EYS: variants seen among roughly 807,000 people sequenced by gnomAD.
EYS encodes EGF-like photoreceptor maintenance factor.
In EYS, 250 loss-of-function variants were observed where a neutral mutation model predicts 282.1. The observed-to-expected ratio is 0.89, with a 90% CI of 0.80 to 0.98. The LOEUF (loss-of-function observed/expected upper bound fraction) is 0.98. EYS is among the 50% of genes least tolerant of loss of function. The pLI is 0.00. For synonymous variants in EYS, 1,355 were observed against 1,282.9 expected (o/e 1.06, Z -1.20); for missense variants, 4,016 against 3,709.0 (o/e 1.08, Z -2.15).
chr6:65,443,544 C>G (rs776099685), intron 5 of EYS, among the ~76,000 whole-genome samples: 11 of 151,294 alleles, frequency 7.3e-5, no homozygotes, highest in Non-Finnish European at 1.3e-4. Context: ...CTTATGGACA[C>G]ATGATACGCA....
intron 11 of EYS, among the ~76,000 whole-genome samples, chr6:65,320,548 G>A (rs1438056852): frequency 6.6e-6 from 1 of 152,188 alleles, no homozygotes; most frequent in Non-Finnish European, 1.5e-5. Flanking sequence ...TACAGTGGAG[G>A]AACTGCTCCT....
chr6:64,842,978 G>T (rs1202497378), intron 19 of EYS, among the ~76,000 whole-genome samples: 1 of 152,086 alleles, frequency 6.6e-6, no homozygotes, highest in Non-Finnish European at 1.5e-5. Flanking sequence ...AAGACAATGG[G>T]GAAATTGTCT....
chr6:65,218,048 C>T (rs947574399), intron 12 of EYS, among the ~76,000 whole-genome samples: 2 of 151,902 alleles, frequency 1.3e-5, no homozygotes, highest in African/African-American at 4.8e-5. Flanking sequence ...TGGATAAGTT[C>T]AGTTTATATT....
chr6:64,127,782 A>G (rs1240699448), intron 31 of EYS, among the ~76,000 whole-genome samples: 1 of 152,160 alleles, frequency 6.6e-6, no homozygotes, highest in African/African-American at 2.4e-5. Context: ...TCAGATTCAT[A>G]GAGTTTTGAA....
At position 65,001,450 on chromosome 6, in the gene EYS, G is replaced by A. The variant is rs558080687; in HGVS notation, c.2138-3747C>T. ...TTCCTCCTCTTCTCTCTTTCTCTGC[G>A]GAAGAGTCCGTTGGTCTGCCTGTCT... is the stretch of plus-strand genomic sequence containing the variant. On this transcript the variant is annotated intron_variant, in intron 13 of 42. Transcript: ENST00000503581. Among the ~76,000 whole-genome samples, 30 of 147,572 alleles carry A rather than the reference G, an allele frequency of 2.0e-4. 5 individuals are homozygous for A. The South Asian group carries it at 3.5e-3, about 17-fold the overall frequency.
intron 19 of EYS, among the ~76,000 whole-genome samples, chr6:64,869,620 A>C (rs1175622441): frequency 6.6e-6 from 1 of 151,672 alleles, no homozygotes; most frequent in Non-Finnish European, 1.5e-5. Context: ...CTGTAGAAGA[A>C]ACATGATGAA....
At chr6:64,469,930 CTG>C (rs1392712046) in intron 26 of EYS, among the ~76,000 whole-genome samples, 4 of 152,184 alleles carry the variant, frequency 2.6e-5, no homozygotes, top group Non-Finnish European at 5.9e-5. Context: ...CTAAAAGTCT[CTG>C]ATATGCAAAA....
At chr6:65,012,890 C>G (rs1230211610) in intron 13 of EYS, among the ~76,000 whole-genome samples, 1 of 146,156 alleles carries the variant, frequency 6.8e-6, no homozygotes, top group African/African-American at 2.5e-5. Flanking sequence ...AAAAATCTAT[C>G]AAGTGGCTAC....
chr6:64,570,110 C>A (rs1167247418), intron 26 of EYS, among the ~76,000 whole-genome samples: 2 of 152,220 alleles, frequency 1.3e-5, no homozygotes, highest in African/African-American at 4.8e-5. Context: ...AGAAACCCTA[C>A]AAGCCAGAAG....
chr6:65,388,789 G>A (rs1032935248), intron 7 of EYS, among the ~76,000 whole-genome samples: 1 of 151,862 alleles, frequency 6.6e-6, no homozygotes, highest in African/African-American at 2.4e-5. Context: ...TCTTTTTTGT[G>A]GATAAAAAAT....
At chr6:64,147,908 CTT>C (rs1774573503) in intron 31 of EYS, among the ~76,000 whole-genome samples, 1 of 152,114 alleles carries the variant, frequency 6.6e-6, no homozygotes, top group Admixed American at 6.6e-5. Context: ...GAAAAATAAA[CTT>C]TTGTTTTGTC....
chr6:65,434,178 T>C (rs571202365), intron 5 of EYS, among the ~76,000 whole-genome samples: 48 of 152,292 alleles, frequency 3.2e-4, no homozygotes, highest in African/African-American at 1.1e-3. Context: ...TTGCTAAGAA[T>C]GTGGACCTTG....
intron 13 of EYS, among the ~76,000 whole-genome samples, chr6:65,051,887 A>G (rs537589865): frequency 4.6e-5 from 7 of 151,686 alleles, no homozygotes; most frequent in South Asian, 2.1e-4. Context: ...CAATATTAAT[A>G]TTAATAGGCA....
At chr6:64,042,081 A>G (rs1216046700) in intron 33 of EYS, among the ~76,000 whole-genome samples, 1 of 152,220 alleles carries the variant, frequency 6.6e-6, no homozygotes, top group South Asian at 2.1e-4. Context: ...GTTCACTAAC[A>G]CACAAGATAA....
At position 63,863,680 on chromosome 6, in the gene EYS, T is replaced by TTTTCTTTTCTTTTCTTTC. The variant is rs1562066227; in HGVS notation, c.7228+505_7228+506insGAAAGAAAAGAAAAGAAA. Among the ~76,000 whole-genome samples the TTTTCTTTTCTTTTCTTTC allele has an allele frequency of 6.5e-4, 81 of 125,434 alleles. 1 individual carries two copies. The highest frequency in any genetic ancestry group is 2.3e-3 in the African/African-American group (72 of 31,674). 82.3% of individuals were successfully genotyped at this position (125,434 alleles called of 152,430 possible). Reference sequence around the variant, plus strand: ...TTTCTTTTCTTTTCTTTTTTCTTTTTTTTTTTTTTTTTTGAGATGGAGTCT... The same window carrying TTTTCTTTTCTTTTCTTTC: ...TTTCTTTTCTTTTCTTTTTTCTTTTTTTTCTTTTCTTTTCTTTCTTTTTTTTTTTTTGAGATGGAGTCT... On this transcript the variant is annotated intron_variant, in intron 36 of 42. Transcript: ENST00000503581.
rs576389704 is a variant in EYS, at chr6:64,311,284, A to G, written c.6079-4202T>C. On this transcript the variant is annotated intron_variant, in intron 29 of 42. Coordinates refer to ENST00000503581, the MANE Select transcript of EYS (RefSeq NM_001142800.2). The stretch of plus-strand genomic sequence containing the variant: ...AAAGTAATAGAAGGGAAACAAAGAT[A>G]CACAATTCATATGACAATTTGTAAT... 8.9e-4 allele frequency among the ~76,000 whole-genome samples: 136 copies of G among 152,230 alleles called. 1 individual carries two copies. In the South Asian group the frequency reaches 0.028, roughly 31 times the overall value.
intron 26 of EYS, among the ~76,000 whole-genome samples, chr6:64,580,697 A>G (rs980252660): frequency 7.2e-5 from 11 of 152,152 alleles, no homozygotes; most frequent in African/African-American, 2.7e-4. Flanking sequence ...GTTTATGTGT[A>G]TATTATTTTT....
At chr6:64,502,797 T>C (rs1310224198) in intron 26 of EYS, among the ~76,000 whole-genome samples, 1 of 152,216 alleles carries the variant, frequency 6.6e-6, no homozygotes, top group Non-Finnish European at 1.5e-5. Flanking sequence ...TGTTTAAAAT[T>C]AAATCTGTTT....
At chr6:63,920,197 A>G (rs991435462) in intron 35 of EYS, among the ~76,000 whole-genome samples, 1 of 152,006 alleles carries the variant, frequency 6.6e-6, no homozygotes. Flanking sequence ...GATAAAGGAT[A>G]TGCAGTTTAT....
Sources: gnomAD v4.1 joint callset for allele counts (sites outside exome capture counted in the v4.1 genomes callset) on GRCh38, gnomAD v4.1.1 for gene constraint, MANE v1.5 for transcripts, NCBI Gene and HGNC (gene_info 2026-07-23, HGNC 2026-07-21) for gene names.